The following TEX14 variants were observed in gnomAD, a reference collection of about 807,000 sequenced individuals.
TEX14 encodes inactive serine/threonine-protein kinase TEX14.
In TEX14, 168 loss-of-function variants were observed where a neutral mutation model predicts 178.6. That is an observed-to-expected ratio of 0.94 (90% CI 0.83 to 1.07). TEX14 has a LOEUF of 1.07. TEX14 is among the 50% of genes least tolerant of loss of function. The pLI is 0.00. For missense variants in TEX14, 1,730 were observed against 1,753.6 expected, an observed-to-expected ratio of 0.99 and a Z score of 0.24; for synonymous variants, 626 against 634.1, an observed-to-expected ratio of 0.99 and a Z score of 0.19.
At position 58,569,713 on chromosome 17, in the gene TEX14, T is replaced by C. The variant is rs28666665; in HGVS notation, c.3818-453A>G. On this transcript the variant is annotated intron_variant, in intron 25 of 31. Coordinates refer to ENST00000349033, the MANE Select transcript of TEX14 (RefSeq NM_031272.5). The surrounding 1 kb of genome is among the most constrained non-coding windows in gnomAD (Gnocchi z 4.1). ...ACCACACTTTGGGTCTTGCCCCAAG[T>C]GCTCAATTATAACATTGACCAAAAT... 9.0e-4 allele frequency among the ~76,000 whole-genome samples: 137 copies of C among 152,324 alleles called. 1 individual carries two copies. The highest frequency in any genetic ancestry group is 3.2e-3 in the African/African-American group (134 of 41,566).
At chr17:58,596,116 G>A (rs539948633) in intron 14 of TEX14, among the ~76,000 whole-genome samples, 2 of 152,206 alleles carry the variant, frequency 1.3e-5, no homozygotes, top group South Asian at 4.2e-4. Context: ...CCGGGAGGTG[G>A]AAGTTGCAGT....
intron 17 of TEX14, among the ~76,000 whole-genome samples, chr17:58,586,339 CA>C (rs1321454041): frequency 6.8e-6 from 1 of 146,420 alleles, no homozygotes; most frequent in African/African-American, 2.4e-5. Context: ...TGAAAGGCAG[CA>C]AACAACTTAC....
chr17:58,586,892 C>G (rs2044990703), intron 17 of TEX14, among the ~76,000 whole-genome samples: 1 of 152,054 alleles, frequency 6.6e-6, no homozygotes, highest in Non-Finnish European at 1.5e-5. Flanking sequence ...TGAAGTTGCC[C>G]CAGTCTGTGT....
rs1265434455 is a variant in TEX14 at position 58,587,588 on chromosome 17, T to C, written c.2781A>G (p.Lys927=). 6.3e-7 allele frequency: 1 copy of C among 1,580,530 alleles called. No homozygotes were observed. Among genetic ancestry groups the C allele is most frequent in the Non-Finnish European group, 8.7e-7 (1 of 1,155,552 alleles). The change falls in exon 17 of 32, where the codon AAA becomes AAG. Residue 927 remains lysine, a synonymous_variant. Transcript: ENST00000349033. ...CCATGACTTTATACTCACTTTTCCATTTTAAGTGTACCTTTCCATCATCTT... is the reference window on the plus strand; with the variant it reads ...CCATGACTTTATACTCACTTTTCCACTTTAAGTGTACCTTTCCATCATCTT... ...RNKDDGKVHL[K]WKMEVKEMAK...
chr17:58,599,692 A>G, intron 13 of TEX14, 26 bp from the exon 14 acceptor site: 2 of 1,583,284 alleles, frequency 1.3e-6, no homozygotes, highest in Non-Finnish European at 1.7e-6. Flanking sequence ...GCAAAATGCA[A>G]CTCATTAAAA....
chr17:58,574,365 C>T, intron 21 of TEX14, 116 bp from the exon 22 acceptor site: 1 of 759,504 alleles, frequency 1.3e-6, no homozygotes, highest in Non-Finnish European at 2.2e-6. Flanking sequence ...GGAAAGGGCA[C>T]TAAGCTCAGG....
intron 2 of TEX14, among the ~76,000 whole-genome samples, chr17:58,641,773 G>T (rs2046582634): frequency 6.6e-6 from 1 of 152,174 alleles, no homozygotes; most frequent in Non-Finnish European, 1.5e-5. Context: ...CTCCCAAAGT[G>T]CTGGGATTAC....
At chr17:58,689,975 G>T (rs1234177505) in intron 1 of TEX14, among the ~76,000 whole-genome samples, 1 of 146,006 alleles carries the variant, frequency 6.8e-6, no homozygotes, top group Non-Finnish European at 1.5e-5. Flanking sequence ...TCAGCCTCCC[G>T]AGTAGCTGGG....
At chr17:58,633,786 G>C (rs1366837099) in intron 2 of TEX14, among the ~76,000 whole-genome samples, 3 of 151,978 alleles carry the variant, frequency 2.0e-5, no homozygotes, top group Non-Finnish European at 4.4e-5. Context: ...GGCCAACATG[G>C]TGAAACCTCG....
chr17:58,629,260 CT>C (rs2046222418), intron 3 of TEX14, among the ~76,000 whole-genome samples: 1 of 151,544 alleles, frequency 6.6e-6, no homozygotes, highest in Admixed American at 6.6e-5. Context: ...CGAGACCAGC[CT>C]GGCCAACATG....
chr17:58,683,052 CAAAAAAAAA>C (rs1194798521), intron 1 of TEX14, among the ~76,000 whole-genome samples: 3 of 54,044 alleles, frequency 5.6e-5, no homozygotes, highest in African/African-American at 2.0e-4. Flanking sequence ...GAGTCTGTCT[CAAAAAAAAA>C]AAAAAAAAAA....
At position 58,584,602 on chromosome 17, in the gene TEX14, T is replaced by C; in HGVS notation, c.3071-2A>G. 6.2e-7 allele frequency: 1 copy of C among 1,608,556 alleles called. No individual in the cohort carries two copies. The highest frequency in any genetic ancestry group is 8.5e-7 in the Non-Finnish European group (1 of 1,174,934). On this transcript the variant is annotated splice_acceptor_variant, in intron 18 of 31. Transcript: ENST00000349033. LOFTEE classifies it high-confidence loss of function. ...GTCTGGGAGATGGGTGCCTGATACC[T>C]AATGATTGTAACACAGTCAGGGTCA... is the stretch of plus-strand genomic sequence containing the variant.
At chr17:58,596,746 TA>T (rs1292775196) in intron 14 of TEX14, among the ~76,000 whole-genome samples, 1 of 149,618 alleles carries the variant, frequency 6.7e-6, no homozygotes, top group Non-Finnish European at 1.5e-5. Flanking sequence ...GATAAAGAAA[TA>T]AATACCAGCC....
intron 15 of TEX14, among the ~76,000 whole-genome samples, chr17:58,589,958 G>A (rs1047819918): frequency 6.6e-6 from 1 of 151,812 alleles, no homozygotes; most frequent in African/African-American, 2.4e-5. Context: ...TCACACATTG[G>A]CCCCATAAAG....
chr17:58,587,843 A>ACCCCCCCCC, intron 16 of TEX14, 53 bp downstream of exon 16: 1 of 1,118,852 alleles, frequency 8.9e-7, no homozygotes, highest in Non-Finnish European at 1.4e-6. Context: ...GGGTGCCAGA[A>ACCCCCCCCC]CCCACCCCCA....
Position 58,564,938 on chromosome 17 carries a change from T to C in TEX14, c.3995A>G (p.Asp1332Gly), listed in dbSNP as rs763838865. 3.1e-6 allele frequency: 5 copies of C among 1,608,884 alleles called. No individual in the cohort carries two copies. The South Asian group carries it at 5.6e-5, about 18-fold the overall frequency. The change falls in exon 28 of 32, where the codon GAC becomes GGC. Residue 1332 changes from aspartate (D) to glycine (G), a missense_variant. Coordinates refer to ENST00000349033, the MANE Select transcript of TEX14 (RefSeq NM_031272.5). ...CATACTACTATCTTCTTTTTTACTG[T>C]CAGTTTCTTGTTCTTCTAAGTGCCT... The part of the protein sequence containing the change: ...DQRHLEEQET[D>G]SKKEDSSMLL...
chr17:58,577,354 TA>T lies in TEX14; in HGVS notation c.3320+20del. Reference sequence around the variant, plus strand: ...TTGCATCTATGAGTTTGAAACTGCATAAGATAATAATAGCCCATACCTTCGT... The same window carrying T: ...TTGCATCTATGAGTTTGAAACTGCATAGATAATAATAGCCCATACCTTCGT... On this transcript the variant is annotated intron_variant, in intron 21 of 31. Coordinates refer to ENST00000349033, the MANE Select transcript of TEX14 (RefSeq NM_031272.5). The T allele has an allele frequency of 9.0e-7, 1 of 1,109,400 alleles. No homozygotes were observed. Among genetic ancestry groups the T allele is most frequent in the Non-Finnish European group, 1.3e-6 (1 of 784,970 alleles). 68.7% of individuals were successfully genotyped at this position (1,109,400 alleles called of 1,614,324 possible). A position where few individuals can be genotyped will look rare whatever the true frequency, so the allele number is the denominator to read the frequency against.
intron 5 of TEX14, among the ~76,000 whole-genome samples, chr17:58,621,439 C>G (rs569983438): frequency 2.2e-4 from 33 of 152,368 alleles, no homozygotes; most frequent in African/African-American, 7.9e-4. Context: ...TCCTCTCACA[C>G]CTTCTCAGGG....
chr17:58,642,611 T>G (rs2046601087), intron 2 of TEX14, among the ~76,000 whole-genome samples: 1 of 152,018 alleles, frequency 6.6e-6, no homozygotes, highest in African/African-American at 2.4e-5. Flanking sequence ...CACTGCAACT[T>G]CTGCCTCCCG....
Sources: gnomAD v4.1 joint callset for allele counts (sites outside exome capture counted in the v4.1 genomes callset) on GRCh38, gnomAD v4.1.1 for gene constraint, Gnocchi (gnomAD v3.1) non-coding constraint, MANE v1.5 for transcripts, NCBI Gene and HGNC (gene_info 2026-07-23, HGNC 2026-07-21) for gene names.